SRRM3: variants seen among roughly 807,000 people sequenced by gnomAD.
SRRM3 encodes the protein serine/arginine repetitive matrix 3.
SRRM3 carries 27 observed loss-of-function variants against 66.2 expected under a neutral mutation model. That is an observed-to-expected ratio of 0.41 (90% confidence interval 0.30 to 0.56). The LOEUF is 0.56. Among genes scored for constraint, SRRM3 ranks in the 20% least tolerant of loss-of-function variants. SRRM3 has a pLI of 0.32. For missense variants in SRRM3, 918 were observed against 991.9 expected (o/e 0.93, Z 1.00); for synonymous variants, 391 against 414.9 (o/e 0.94, Z 0.70).
chr7:76,208,389 C>A (rs1350109720), intron 1 of SRRM3, among the ~76,000 whole-genome samples: 1 of 151,930 alleles, frequency 6.6e-6, no homozygotes, highest in Non-Finnish European at 1.5e-5. Flanking sequence ...CACCCCGGAG[C>A]CAGGTATGGT....
intron 11 of SRRM3, among the ~76,000 whole-genome samples, chr7:76,270,577 TGAG>T (rs1802183168): frequency 6.6e-6 from 1 of 151,920 alleles, no homozygotes; most frequent in African/African-American, 2.4e-5. Flanking sequence ...TTCGGGAGGC[TGAG>T]GTGGGCAGAT....
chr7:76,220,392 A>G (rs2116960571), intron 1 of SRRM3, among the ~76,000 whole-genome samples: 1 of 152,346 alleles, frequency 6.6e-6, no homozygotes, highest in South Asian at 2.1e-4. Flanking sequence ...AGGCATGAGG[A>G]ACAGCATGGG....
At chr7:76,206,727 GC>G in intron 1 of SRRM3, among the ~76,000 whole-genome samples, 1 of 152,090 alleles carries the variant, frequency 6.6e-6, no homozygotes, top group Non-Finnish European at 1.5e-5. Context: ...AGCAGTCCTC[GC>G]CCCCCAAGGA....
rs1309910085 is a variant in SRRM3, at chr7:76,222,437, A to G, written c.-39-12591A>G. On this transcript the variant is annotated intron_variant, in intron 1 of 14. Transcript: ENST00000611745. ...AAAAAAAAAAAAAAAAAAAGTTGCA[A>G]GAGAGATCTTTCCAAAATGCAAATC... 2.7e-5 allele frequency among the ~76,000 whole-genome samples: 4 copies of G among 149,838 alleles called. No homozygotes were observed. In the South Asian group the frequency reaches 8.4e-4, roughly 32 times the overall value.
At chr7:76,258,746 GAAAA>G (rs1236656807) in intron 3 of SRRM3, among the ~76,000 whole-genome samples, 2 of 108,808 alleles carry the variant, frequency 1.8e-5, no homozygotes, top group South Asian at 3.1e-4. Flanking sequence ...AAAAGAAAAA[GAAAA>G]AAAAAAAAGG....
At chr7:76,277,135 C>T (rs1802369614) in intron 11 of SRRM3, among the ~76,000 whole-genome samples, 1 of 152,138 alleles carries the variant, frequency 6.6e-6, no homozygotes, top group Admixed American at 6.5e-5. Context: ...TGGGGAAGAA[C>T]TTGGTCTTCA....
rs781889860 is a variant in SRRM3, at chr7:76,282,630, G to C, written c.1371-18G>C. 8.6e-6 allele frequency: 10 copies of C among 1,160,792 alleles called. No homozygotes were observed. In the South Asian group the frequency reaches 1.6e-4, roughly 19 times the overall value. 71.9% of individuals were successfully genotyped at this position (1,160,792 alleles called of 1,614,324 possible). ...TCCGGGTCGCTGAGCCCTATCCCGC[G>C]CCGTCTCCCTCCTCCAGGGCCAAGG... is the stretch of plus-strand genomic sequence containing the variant. On this transcript the variant is annotated intron_variant, in intron 12 of 14. Transcript: ENST00000611745.
At position 76,285,567 on chromosome 7, in the gene SRRM3, G is replaced by C; in HGVS notation, c.1734-48G>C. On this transcript the variant is annotated intron_variant, in intron 14 of 14. Coordinates refer to ENST00000611745, the MANE Select transcript of SRRM3 (RefSeq NM_001110199.3). This position sits in a 1 kb window ranked among gnomAD's most constrained non-coding sequence, Gnocchi z 4.1. Reference sequence around the variant, plus strand: ...GGAAGCCCTGGCCGCTGCTGGGATGGGGCTCGGGGCCTGGGATGGCCTGTA... The same window carrying C: ...GGAAGCCCTGGCCGCTGCTGGGATGCGGCTCGGGGCCTGGGATGGCCTGTA... 6.7e-7 allele frequency: 1 copy of C among 1,487,134 alleles called. No homozygotes were observed. Among genetic ancestry groups the C allele is most frequent in the Non-Finnish European group, 9.1e-7 (1 of 1,098,524 alleles). 92.1% of individuals were successfully genotyped at this position (1,487,134 alleles called of 1,614,324 possible).
At chr7:76,260,553 A>G (rs1221714256) in intron 5 of SRRM3, among the ~76,000 whole-genome samples, 1 of 58,868 alleles carries the variant, frequency 1.7e-5, no homozygotes, top group Non-Finnish European at 3.3e-5. Flanking sequence ...CCCACCCCTC[A>G]TCGAGCCCCT....
chr7:76,257,432 G>T (rs1210622041), intron 3 of SRRM3, among the ~76,000 whole-genome samples: 1 of 132,914 alleles, frequency 7.5e-6, no homozygotes, highest in African/African-American at 2.8e-5. Flanking sequence ...TCACTTCCAG[G>T]CTTGTTCAAT....
chr7:76,229,198 G>A (rs782258557), intron 1 of SRRM3, among the ~76,000 whole-genome samples: 2 of 152,032 alleles, frequency 1.3e-5, no homozygotes, highest in Non-Finnish European at 1.5e-5. Context: ...GCGCCCAGCC[G>A]AGACTTTGAT....
chr7:76,235,792 G>A (rs927814348), intron 2 of SRRM3, among the ~76,000 whole-genome samples: 5 of 151,542 alleles, frequency 3.3e-5, no homozygotes, highest in African/African-American at 4.9e-5. Flanking sequence ...GATCACCTGA[G>A]GTCAGGAGTT....
chr7:76,227,365 A>G, intron 1 of SRRM3, among the ~76,000 whole-genome samples: 1 of 152,138 alleles, frequency 6.6e-6, no homozygotes, highest in South Asian at 2.1e-4. Flanking sequence ...AGCACCTCCA[A>G]TTTGTTCTCC....
At chr7:76,211,091 C>T (rs6946365) in intron 1 of SRRM3, among the ~76,000 whole-genome samples, 8,422 of 152,244 alleles carry the variant, frequency 0.055, 752 homozygotes, top group African/African-American at 0.19. Context: ...GGATTACAGG[C>T]GTGAGCCACT....
At chr7:76,239,861 C>A (rs1315535205) in intron 2 of SRRM3, among the ~76,000 whole-genome samples, 1 of 151,960 alleles carries the variant, frequency 6.6e-6, no homozygotes, top group Non-Finnish European at 1.5e-5. Flanking sequence ...GAGACCCTGT[C>A]TGTACCAAAA....
intron 14 of SRRM3, 132 bp downstream of exon 14, chr7:76,283,233 A>G: frequency 1.1e-6 from 1 of 934,050 alleles, no homozygotes; most frequent in South Asian, 2.3e-5. Context: ...GGGGGTGCTA[A>G]GGGACAATGA....
intron 11 of SRRM3, among the ~76,000 whole-genome samples, chr7:76,279,763 T>C (rs1345662168): frequency 1.3e-5 from 2 of 152,118 alleles, no homozygotes; most frequent in African/African-American, 4.8e-5. Flanking sequence ...CAGGGCCCTT[T>C]TGATGGTGCC....
intron 1 of SRRM3, among the ~76,000 whole-genome samples, chr7:76,206,728 C>A (rs984292965): frequency 4.6e-5 from 7 of 152,136 alleles, no homozygotes; most frequent in Non-Finnish European, 1.0e-4. Context: ...GCAGTCCTCG[C>A]CCCCCAAGGA....
chr7:76,257,493 A>G (rs10234279), intron 3 of SRRM3, among the ~76,000 whole-genome samples: 120,824 of 149,486 alleles, frequency 0.81, 49,617 homozygotes, highest in African/African-American at 0.95. Flanking sequence ...GCTCACACCT[A>G]TAATCCTAGT....
Sources: allele counts gnomAD v4.1 joint callset (sites outside exome capture counted in the v4.1 genomes callset), GRCh38; gene constraint gnomAD v4.1.1; non-coding constraint Gnocchi (gnomAD v3.1); transcripts MANE v1.5; gene names NCBI Gene and HGNC (gene_info 2026-07-23, HGNC 2026-07-21).